The following DNAAF5 variants were observed in gnomAD, a reference collection of about 807,000 sequenced individuals.
The protein encoded by DNAAF5 is dynein axonemal assembly factor 5, also known as HEAT repeat containing 2.
Under a neutral mutation model 75.8 loss-of-function variants are expected in DNAAF5, and 64 were observed. That is an observed-to-expected ratio of 0.84 (90% CI 0.69 to 1.04). The LOEUF is 1.04. Among genes scored for constraint, DNAAF5 ranks in the 50% least tolerant of loss-of-function variants. The pLI is 0.00. For synonymous variants in DNAAF5, 657 were observed against 557.2 expected (o/e 1.18, Z -2.52); for missense variants, 1,269 against 1,178.5 (o/e 1.08, Z -1.12).
intron 7 of DNAAF5, among the ~76,000 whole-genome samples, chr7:762,461 T>A (rs1447697219): frequency 2.7e-5 from 4 of 146,936 alleles, no homozygotes; most frequent in Non-Finnish European, 4.5e-5. Context: ...CACTCCAGCC[T>A]GGGCTGAGCA....
chr7:756,876 C>A lies in DNAAF5; in HGVS notation c.1352C>A (p.Ser451Tyr), dbSNP rs781534311. Residue 451 changes from serine to tyrosine, a missense_variant, in exon 6 of 13, where the codon TCC becomes TAC. Physicochemically the swap from Ser to Tyr is moderately radical, Grantham distance 144. Coordinates refer to ENST00000297440, the MANE Select transcript of DNAAF5 (RefSeq NM_017802.4). ...ACGCTGAAGAAGACGCCCTCTGCCTCCGGCCTCCTGGTGCTGGCCTCCGCC... is the reference window on the plus strand; with the variant it reads ...ACGCTGAAGAAGACGCCCTCTGCCTACGGCCTCCTGGTGCTGGCCTCCGCC... ...LSTLKKTPSA[S>Y]GLLVLASAMR... The A allele has an allele frequency of 1.9e-6, 3 of 1,613,722 alleles. No individual in the cohort carries two copies. The highest frequency in any genetic ancestry group is 1.7e-4 in the Middle Eastern group (1 of 6,060).
chr7:728,366 T>G (rs562962469), intron 1 of DNAAF5, among the ~76,000 whole-genome samples: 2 of 152,248 alleles, frequency 1.3e-5, no homozygotes, highest in East Asian at 3.9e-4. Flanking sequence ...ATGGTCTGAA[T>G]GTAGTGGGAA....
At chr7:743,679 T>C (rs62432217) in intron 4 of DNAAF5, among the ~76,000 whole-genome samples, 112,620 of 144,222 alleles carry the variant, frequency 0.78, 44,364 homozygotes, top group South Asian at 0.87. Context: ...AGTTTCACTC[T>C]TGTTGCCCAG....
At position 775,511 on chromosome 7, in the gene DNAAF5, G is replaced by GGTGT. The variant is rs10582414; in HGVS notation, c.2239+374_2239+377dup. 7.4e-3 allele frequency among the ~76,000 whole-genome samples: 1,110 copies of GGTGT among 150,604 alleles called. 19 individuals are homozygous for GGTGT. Among genetic ancestry groups the GGTGT allele is most frequent in the African/African-American group, 0.025 (1,020 of 41,082 alleles). ...CCAAAACCTTGTCTTTAAAAGTAGG[G>GGTGT]GTGTGTGTGTGTGTGTGTGTGTGTG... On this transcript the variant is annotated intron_variant, in intron 11 of 12. Coordinates refer to ENST00000297440, the MANE Select transcript of DNAAF5 (RefSeq NM_017802.4).
At chr7:767,428 C>G (rs536917364) in intron 8 of DNAAF5, among the ~76,000 whole-genome samples, 7 of 152,260 alleles carry the variant, frequency 4.6e-5, no homozygotes, top group African/African-American at 1.4e-4. Flanking sequence ...AGAATCTATC[C>G]TTCCAATTCT....
chr7:733,617 C>G (rs1246410976), intron 2 of DNAAF5, among the ~76,000 whole-genome samples: 1 of 152,184 alleles, frequency 6.6e-6, no homozygotes, highest in Non-Finnish European at 1.5e-5. Flanking sequence ...CTTCCTCAGC[C>G]TCCCGAGTAG....
In DNAAF5 at chr7:727,187, G is replaced by A. The variant is rs1421468361; in HGVS notation, c.467G>A (p.Cys156Tyr). ...VQLLGLAVDL[C>Y]GAALAPHLDD... ...CTGCTGGGCCTGGCCGTGGACCTGTGCGGCGCCGCGCTCGCGCCCCACCTG... is the reference window on the plus strand; with the variant it reads ...CTGCTGGGCCTGGCCGTGGACCTGTACGGCGCCGCGCTCGCGCCCCACCTG... The change falls in exon 1 of 13, where the codon TGC becomes TAC. Residue 156 changes from cysteine to tyrosine, a missense_variant. By Grantham distance (194) the Cys-to-Tyr change is radical. Coordinates refer to ENST00000297440, the MANE Select transcript of DNAAF5 (RefSeq NM_017802.4). 6 of 1,342,694 alleles carry A rather than the reference G, an allele frequency of 4.5e-6. No homozygotes were observed. The highest frequency in any genetic ancestry group is 1.5e-5 in the African/African-American group (1 of 64,816). 83.2% of individuals were successfully genotyped at this position (1,342,694 alleles called of 1,614,324 possible).
At chr7:765,025 G>A (rs1782777376) in intron 8 of DNAAF5, among the ~76,000 whole-genome samples, 1 of 152,242 alleles carries the variant, frequency 6.6e-6, no homozygotes, top group Non-Finnish European at 1.5e-5. Flanking sequence ...GGAAGCTGAA[G>A]CGGGAGGATC....
At chr7:775,194 A>G (rs2128085205) in intron 11 of DNAAF5, 32 bp downstream of exon 11, 2 of 1,605,418 alleles carry the variant, frequency 1.2e-6, no homozygotes, top group Non-Finnish European at 8.5e-7. Context: ...CAGCCTGTGT[A>G]TATGCAGTCA....
At chr7:765,126 C>T (rs961773920) in intron 8 of DNAAF5, among the ~76,000 whole-genome samples, 2 of 152,120 alleles carry the variant, frequency 1.3e-5, no homozygotes, top group Admixed American at 6.6e-5. Flanking sequence ...GTCTCTAAAA[C>T]CAAACAAAAA....
chr7:738,754 C>T (rs1781811524), intron 2 of DNAAF5, among the ~76,000 whole-genome samples: 1 of 152,210 alleles, frequency 6.6e-6, no homozygotes, highest in Admixed American at 6.5e-5. Flanking sequence ...GTCCGTGAGA[C>T]TCAGGAGCAG....
intron 11 of DNAAF5, among the ~76,000 whole-genome samples, chr7:776,689 C>G (rs1386553052): frequency 6.6e-6 from 1 of 152,128 alleles, no homozygotes; most frequent in Admixed American, 6.5e-5. Flanking sequence ...TGGCTTGAAG[C>G]CCCCGAAAAG....
chr7:775,756 G>A (rs1778740677), intron 11 of DNAAF5, among the ~76,000 whole-genome samples: 1 of 152,210 alleles, frequency 6.6e-6, no homozygotes, highest in Non-Finnish European at 1.5e-5. Flanking sequence ...GGACCCTCGT[G>A]AAGGAAGCGT....
At chr7:739,278 G>A (rs1160084792) in intron 2 of DNAAF5, among the ~76,000 whole-genome samples, 1 of 152,366 alleles carries the variant, frequency 6.6e-6, no homozygotes, top group Non-Finnish European at 1.5e-5. Flanking sequence ...ATGGCACTGG[G>A]TGAGCTTGGA....
chr7:760,728 T>G (rs1409561583), intron 6 of DNAAF5, among the ~76,000 whole-genome samples: 1 of 152,238 alleles, frequency 6.6e-6, no homozygotes, highest in Admixed American at 6.5e-5. Flanking sequence ...AGCACACGCC[T>G]GCTGTGTTGC....
At chr7:751,401 G>A (rs1583492353) in intron 4 of DNAAF5, among the ~76,000 whole-genome samples, 1 of 151,822 alleles carries the variant, frequency 6.6e-6, no homozygotes, top group South Asian at 2.1e-4. Flanking sequence ...TTGAGAGGCC[G>A]AGGCAGGAGG....
intron 9 of DNAAF5, chr7:771,127 TAACA>T (rs1778550577): frequency 6.6e-6 from 1 of 152,456 alleles, no homozygotes; most frequent in Non-Finnish European, 1.5e-5. Flanking sequence ...TTTTCAAACC[TAACA>T]AACAACTGAT....
intron 6 of DNAAF5, among the ~76,000 whole-genome samples, chr7:757,944 C>T (rs1027186541): frequency 1.3e-5 from 2 of 152,344 alleles, no homozygotes; most frequent in East Asian, 1.9e-4. Context: ...GCTCCCTCTC[C>T]GTCCTCAGAA....
intron 8 of DNAAF5, 79 bp downstream of exon 8, chr7:764,053 T>C (rs986003971): frequency 2.0e-6 from 3 of 1,489,796 alleles, no homozygotes; most frequent in Non-Finnish European, 2.7e-6. Context: ...GCTCAGCAGG[T>C]ACCAGCGCCG....
Sources: allele counts gnomAD v4.1 joint callset (sites outside exome capture counted in the v4.1 genomes callset), GRCh38; gene constraint gnomAD v4.1.1; transcripts MANE v1.5; gene names NCBI Gene and HGNC (gene_info 2026-07-23, HGNC 2026-07-21).